Variants in UNC93B1 observed in about 807,000 individuals in gnomAD.
UNC93B1 encodes protein unc-93 homolog B1.
A neutral mutation model predicts 56.8 loss-of-function variants in UNC93B1; 33 were observed. The observed-to-expected ratio is 0.58, with a 90% CI of 0.44 to 0.78. The LOEUF is 0.78. Ranked by LOEUF, UNC93B1 falls within the 30% of genes least tolerant of loss-of-function variation. The pLI, the probability that UNC93B1 is intolerant of heterozygous loss-of-function variation, is 0.00. For synonymous variants in UNC93B1, 334 were observed against 358.6 expected (o/e 0.93, Z 0.77); for missense variants, 673 against 819.5 (o/e 0.82, Z 2.18).
At chr11:67,998,321 C>T (rs7481955) in intron 6 of UNC93B1, 38 bp downstream of exon 6, 2 of 1,609,166 alleles carry the variant, frequency 1.2e-6, no homozygotes, top group Non-Finnish European at 1.7e-6. Context: ...AGTAAGCAGG[C>T]TTTGTGGACT....
At chr11:67,998,566 G>C (rs1856991323) in intron 5 of UNC93B1, 114 bp from the exon 6 acceptor site, 1 of 1,033,470 alleles carries the variant, frequency 9.7e-7, no homozygotes, top group East Asian at 2.4e-5. Context: ...GGCCTTCCCA[G>C]TTCTGGGAGT....
intron 3 of UNC93B1, among the ~76,000 whole-genome samples, chr11:68,000,192 G>A (rs1023314302): frequency 1.3e-5 from 2 of 152,186 alleles, no homozygotes; most frequent in African/African-American, 4.8e-5. Context: ...TCTGGGAAAA[G>A]GTCACACAGT....
Position 67,997,709 on chromosome 11 carries a change from A to C in UNC93B1, c.872T>G (p.Val291Gly). The C allele has an allele frequency of 1.2e-6, 2 of 1,608,074 alleles. No homozygotes were observed. The highest frequency in any genetic ancestry group is 1.7e-6 in the Non-Finnish European group (2 of 1,179,858). The change falls in exon 7 of 11, where the codon GTG (valine) becomes GGG (glycine). Residue 291 changes from valine to glycine, a missense_variant. Transcript: ENST00000227471. Reference sequence around the variant, plus strand: ...GGCCAGGAAGGCCACTGCCATGAGCACGCTCTCCACCACAATGAGGTTTCC... The same window carrying C: ...GGCCAGGAAGGCCACTGCCATGAGCCCGCTCTCCACCACAATGAGGTTTCC... The part of the protein sequence containing the change: ...RSGNLIVVES[V>G]LMAVAFLAML...
rs1449056444 is a variant in UNC93B1, at chr11:67,999,526, T to C, written c.547A>G (p.Ile183Val). The C allele has an allele frequency of 9.0e-6, 14 of 1,552,980 alleles. No homozygotes were observed. Among genetic ancestry groups the C allele is most frequent in the Non-Finnish European group, 1.1e-5 (13 of 1,148,006 alleles). Residue 183 changes from isoleucine (I) to valine (V), a missense_variant, in exon 4 of 11, where the codon ATC (isoleucine) becomes GTC (valine). By Grantham distance (29) the Ile-to-Val change is conservative. Coordinates refer to ENST00000227471, the MANE Select transcript of UNC93B1 (RefSeq NM_030930.4). ...VPLWASMGNY[I>V]TRMAQKYHEY... ...GCTGCCCACCAGGCTCACCTGGTGA[T>C]GTAGTTGCCCATGGAAGCCCAAAGA...
Position 68,003,214 on chromosome 11 carries a change from T to A in UNC93B1, c.239-39A>T. On this transcript the variant is annotated intron_variant, in intron 2 of 10. Transcript: ENST00000227471. This position sits in a 1 kb window ranked among gnomAD's most constrained non-coding sequence, Gnocchi z 4.4. ...AGAGAGCGGCGTGCAGGGAGCAGCC[T>A]AGCTTTGGGCGCCACCGAGCAGAAG... 6.4e-7 allele frequency: 1 copy of A among 1,573,058 alleles called. No homozygotes were observed.
Position 67,995,780 on chromosome 11 carries a change from C to T in UNC93B1, c.1194G>A (p.Trp398Ter), listed in dbSNP as rs761818107. ...CCACCAGGGGCACCGGGCGTGGCAG[C>T]CACAGGCCCAGCAGGCCCAGGAGTG... ...AASLLGLLGL[W>*]LPRPVPLVAG... The change falls in exon 9 of 11, where the codon TGG becomes TGA. Residue 398 changes from tryptophan (W) to a stop codon, truncating the protein, a stop_gained. Transcript: ENST00000227471. LOFTEE classifies it high-confidence loss of function. 6.5e-7 allele frequency: 1 copy of T among 1,548,156 alleles called. No individual in the cohort carries two copies. Among genetic ancestry groups the T allele is most frequent in the South Asian group, 1.2e-5 (1 of 83,956 alleles).
At position 68,004,018 on chromosome 11, in the gene UNC93B1, G is replaced by A; in HGVS notation, c.26C>T (p.Pro9Leu). ...CTGCGGCCCCGCAGCCCCCGCCATC[G>A]GGTAGAGCGGCGGCTCCGCCTCCAT... is the stretch of plus-strand genomic sequence containing the variant. MEAEPPLYPMAGAAGPQGD... is the reference protein window; with the variant it reads MEAEPPLYLMAGAAGPQGD... The change falls in exon 1 of 11, where the codon CCG becomes CTG. Residue 9 changes from proline to leucine, a missense_variant. Around this residue, in one of 3 missense-constraint regions of UNC93B1, gnomAD observed 438 missense variants for 465.9 expected, o/e 0.94. Coordinates refer to ENST00000227471, the MANE Select transcript of UNC93B1 (RefSeq NM_030930.4). 2.9e-6 allele frequency: 4 copies of A among 1,401,354 alleles called. No homozygotes were observed. The highest frequency in any genetic ancestry group is 1.5e-5 in the South Asian group (1 of 66,718). 86.8% of individuals were successfully genotyped at this position (1,401,354 alleles called of 1,614,324 possible). A position where few individuals can be genotyped will look rare whatever the true frequency, so the allele number is the denominator to read the frequency against.
At position 68,003,705 on chromosome 11, in the gene UNC93B1, C is replaced by T. The variant is rs370865340; in HGVS notation, c.190G>A (p.Val64Met). Residue 64 changes from valine (V) to methionine (M), a missense_variant, in exon 2 of 11, where the codon GTG becomes ATG. By Grantham distance (21) the Val-to-Met change is conservative. Around this residue, in one of 3 missense-constraint regions of UNC93B1, gnomAD observed 438 missense variants for 465.9 expected, o/e 0.94. Coordinates refer to ENST00000227471, the MANE Select transcript of UNC93B1 (RefSeq NM_030930.4). This position sits in a 1 kb window ranked among gnomAD's most constrained non-coding sequence, Gnocchi z 4.4. ...RRKRLGVLKN[V>M]LAASAGGMLT... ...ATGCCCCCGGCGCTGGCAGCCAGCA[C>T]GTTCTTGAGCACGCCCAGGCGCTTG... 34 of 1,529,914 alleles carry T rather than the reference C, an allele frequency of 2.2e-5. No individual in the cohort carries two copies. In the African/African-American group the frequency reaches 3.2e-4, roughly 15 times the overall value. 94.8% of individuals were successfully genotyped at this position (1,529,914 alleles called of 1,614,324 possible).
chr11:68,002,886 C>T (rs1185385806), intron 3 of UNC93B1, 136 bp downstream of exon 3: 2 of 1,198,078 alleles, frequency 1.7e-6, no homozygotes, highest in Non-Finnish European at 1.1e-6. Context: ...TCTCAGGCTT[C>T]CGGGTAGAAA....
chr11:67,997,810 TG>T lies in UNC93B1; in HGVS notation c.782-12del, dbSNP rs1554985687. 4 of 1,603,868 alleles carry T rather than the reference TG, an allele frequency of 2.5e-6. No individual in the cohort carries two copies. The highest frequency in any genetic ancestry group is 3.4e-6 in the Non-Finnish European group (4 of 1,178,816). On this transcript the variant is annotated splice_polypyrimidine_tract_variant and intron_variant, in intron 6 of 10. Coordinates refer to ENST00000227471, the MANE Select transcript of UNC93B1 (RefSeq NM_030930.4). ...CGTGGCTGTTGGTGCCTGGGAAGGG[TG>T]GGGGTGAGGGCACCGTGAGCAGAGA...
intron 7 of UNC93B1, 122 bp from the exon 8 acceptor site, chr11:67,996,906 A>C: frequency 8.3e-7 from 1 of 1,202,572 alleles, no homozygotes; most frequent in Non-Finnish European, 1.1e-6. Flanking sequence ...CGCCTCCCAA[A>C]CCAGGGCCCC....
Position 67,998,076 on chromosome 11 carries a change from C to T in UNC93B1, c.782-277G>A, listed in dbSNP as rs74882787. Among the ~76,000 whole-genome samples, 73 of 152,346 alleles carry T rather than the reference C, an allele frequency of 4.8e-4. 4 individuals are homozygous for T. In the East Asian group the frequency reaches 8.5e-3, roughly 18 times the overall value. On this transcript the variant is annotated intron_variant, in intron 6 of 10. Transcript: ENST00000227471. ...TGGACCTCACATTTCCATGCACACC[C>T]CCTGCACTGATTGAGCTCTGACTGT...
intron 10 of UNC93B1, among the ~76,000 whole-genome samples, chr11:67,992,795 G>T (rs1441654466): frequency 6.6e-6 from 1 of 151,662 alleles, no homozygotes; most frequent in African/African-American, 2.4e-5. Context: ...CTCCAGAGTA[G>T]CTGGGATCAC....
intron 10 of UNC93B1, among the ~76,000 whole-genome samples, chr11:67,993,194 G>A (rs1189277442): frequency 4.6e-5 from 7 of 151,856 alleles, no homozygotes; most frequent in Non-Finnish European, 5.9e-5. Flanking sequence ...TCACCATGTC[G>A]GTCAGGCTGG....
At chr11:67,994,011 C>G (rs1349822678) in intron 9 of UNC93B1, among the ~76,000 whole-genome samples, 8 of 152,324 alleles carry the variant, frequency 5.3e-5, no homozygotes, top group East Asian at 1.9e-4. Flanking sequence ...GAGCAGGTGC[C>G]TCGGGCTGTG....
chr11:68,001,023 C>T (rs377381693), intron 3 of UNC93B1, among the ~76,000 whole-genome samples: 11 of 151,914 alleles, frequency 7.2e-5, no homozygotes, highest in African/African-American at 2.4e-4. Flanking sequence ...GGTGAAACCC[C>T]GTCTTTACTA....
In UNC93B1 at chr11:67,996,613, C is replaced by A. The variant is rs769284451; in HGVS notation, c.1078G>T (p.Gly360Cys). 19 of 1,549,068 alleles carry A rather than the reference C, an allele frequency of 1.2e-5. No homozygotes were observed. Among genetic ancestry groups the A allele is most frequent in the Non-Finnish European group, 1.7e-5 (19 of 1,144,916 alleles). Residue 360 changes from glycine to cysteine, a missense_variant, in exon 8 of 11, where the codon GGT becomes TGT. By Grantham distance (159) the Gly-to-Cys change is radical. Around this residue, in one of 3 missense-constraint regions of UNC93B1, gnomAD observed 155 missense variants for 268.3 expected, o/e 0.58. Transcript: ENST00000227471. The part of the protein sequence containing the change: ...SGFEVLFACT[G>C]IALGYGVCSV... ...CAGGCTGTACTTACCAAGGCGATAC[C>A]AGTGCAGGCAAAGAGCACCTCGAAG... is the stretch of plus-strand genomic sequence containing the variant.
chr11:68,002,871 T>G (rs1857068418), intron 3 of UNC93B1, 151 bp downstream of exon 3: 1 of 1,076,376 alleles, frequency 9.3e-7, no homozygotes, highest in African/African-American at 1.7e-5. Flanking sequence ...TTTCACCCCC[T>G]TCACTCTCAG....
chr11:67,999,102 T>C, intron 5 of UNC93B1, 71 bp downstream of exon 5: 1 of 1,596,856 alleles, frequency 6.3e-7, no homozygotes, highest in Admixed American at 1.7e-5. Context: ...GACTAGAGGG[T>C]TGAGACTGTG....
Sources: allele counts gnomAD v4.1 joint callset (sites outside exome capture counted in the v4.1 genomes callset), GRCh38; gene constraint gnomAD v4.1.1; regional missense constraint gnomAD v4.1.1; non-coding constraint Gnocchi (gnomAD v3.1); transcripts MANE v1.5; gene names NCBI Gene and HGNC (gene_info 2026-07-23, HGNC 2026-07-21).